CD46: variants seen among roughly 807,000 people sequenced by gnomAD.
CD46 encodes membrane cofactor protein.
A neutral mutation model predicts 53.3 loss-of-function variants in CD46; 30 were observed. The observed-to-expected ratio is 0.56, with a 90% CI of 0.42 to 0.76. The LOEUF (loss-of-function observed/expected upper bound fraction) is 0.76, where lower values mean the gene tolerates loss of function less well. Among genes scored for constraint, CD46 ranks in the 30% least tolerant of loss-of-function variants. The pLI, the probability that CD46 is intolerant of heterozygous loss-of-function variation, is 0.00. For missense variants in CD46, 409 were observed against 463.0 expected, an observed-to-expected ratio of 0.88 and a Z score of 1.07; for synonymous variants, 142 against 152.0, an observed-to-expected ratio of 0.93 and a Z score of 0.48.
intron 11 of CD46, among the ~76,000 whole-genome samples, chr1:207,789,243 A>G (rs1427041500): frequency 6.6e-6 from 1 of 152,174 alleles, no homozygotes; most frequent in Non-Finnish European, 1.5e-5. Context: ...TAATTTATAT[A>G]TTTATTACCT....
At position 207,761,450 on chromosome 1, in the gene CD46, G is replaced by T. The variant is rs1656203803; in HGVS notation, c.673+4G>T. ...CGTGCTGCTCCAGAGTGTAAAGGTA[G>T]TGTTTCAATTTATTTCCTTCTTCAT... On this transcript the variant is annotated splice_donor_region_variant and intron_variant, in intron 5 of 12. Transcript: ENST00000367042. 6.2e-7 allele frequency: 1 copy of T among 1,609,868 alleles called. No homozygotes were observed. The highest frequency in any genetic ancestry group is 1.1e-5 in the South Asian group (1 of 91,002).
chr1:207,771,526 T>G (rs1338443345), intron 8 of CD46, among the ~76,000 whole-genome samples: 1 of 152,190 alleles, frequency 6.6e-6, no homozygotes, highest in Admixed American at 6.5e-5. Flanking sequence ...TTTTATGGTG[T>G]TAGGTCTTAC....
intron 7 of CD46, 143 bp from the exon 8 acceptor site, chr1:207,770,178 A>G: frequency 1.5e-6 from 1 of 684,614 alleles, no homozygotes; most frequent in South Asian, 1.7e-5. Context: ...TATGTAGGTT[A>G]AATTCTAAGA....
At chr1:207,753,886 G>A (rs41316817) in intron 1 of CD46, among the ~76,000 whole-genome samples, 2 of 152,034 alleles carry the variant, frequency 1.3e-5, no homozygotes, top group South Asian at 2.1e-4. Context: ...TTCATTCAAC[G>A]AATATGGGTC....
Position 207,759,679 on chromosome 1 carries a change from A to C in CD46, c.430A>C (p.Lys144Gln), listed in dbSNP as rs1455226323. ...TGAAGAAATTCTATATTGTGAACTT[A>C]AAGGATCAGTAGCAATTTGGAGCGG... ...IGEEILYCELKGSVAIWSGKP... is the reference protein window; with the variant it reads ...IGEEILYCELQGSVAIWSGKP... Residue 144 changes from lysine to glutamine, a missense_variant, in exon 4 of 13, where the codon AAA becomes CAA. Lys to Gln is a moderately conservative substitution (Grantham distance 53, BLOSUM62 1). Coordinates refer to ENST00000367042, the MANE Select transcript of CD46 (RefSeq NM_172351.3). 1.9e-6 allele frequency: 3 copies of C among 1,605,612 alleles called. No homozygotes were observed. The highest frequency in any genetic ancestry group is 1.7e-5 in the Admixed American group (1 of 59,950).
chr1:207,752,169 C>G lies in CD46; in HGVS notation c.-44C>G, dbSNP rs774207160. The G allele has an allele frequency of 6.3e-7, 1 of 1,585,258 alleles. No homozygotes were observed. ...TCCCTGCTCGGCTGGCTCTCGGTTTCTCTGCTTTCCTCCGGAGAAATAACA... is the reference window on the plus strand; with the variant it reads ...TCCCTGCTCGGCTGGCTCTCGGTTTGTCTGCTTTCCTCCGGAGAAATAACA... On this transcript the variant is annotated 5_prime_UTR_variant, in exon 1 of 13. Coordinates refer to ENST00000367042, the MANE Select transcript of CD46 (RefSeq NM_172351.3). This position sits in a 1 kb window ranked among gnomAD's most constrained non-coding sequence, Gnocchi z 4.1.
intron 8 of CD46, among the ~76,000 whole-genome samples, chr1:207,781,487 T>G (rs1658730919): frequency 6.6e-6 from 1 of 152,194 alleles, no homozygotes; most frequent in Admixed American, 6.6e-5. Context: ...TAGAGTCACA[T>G]CCAATAAATC....
chr1:207,758,294 A>G (rs1446663434), intron 3 of CD46, among the ~76,000 whole-genome samples: 3 of 152,224 alleles, frequency 2.0e-5, no homozygotes, highest in Non-Finnish European at 4.4e-5. Context: ...ATTTATAAAG[A>G]AAAGAAATGT....
At chr1:207,779,806 A>G (rs1028960166) in intron 8 of CD46, among the ~76,000 whole-genome samples, 7 of 151,462 alleles carry the variant, frequency 4.6e-5, no homozygotes, top group South Asian at 2.1e-4. Flanking sequence ...CTTCTCCCCA[A>G]CTGATTTGAA....
At chr1:207,773,267 C>T (rs915746879) in intron 8 of CD46, among the ~76,000 whole-genome samples, 3 of 152,036 alleles carry the variant, frequency 2.0e-5, no homozygotes, top group African/African-American at 2.4e-5. Flanking sequence ...TTTTTTATTG[C>T]GTCTATTTGA....
intron 8 of CD46, among the ~76,000 whole-genome samples, chr1:207,782,507 G>A (rs752341103): frequency 6.6e-6 from 1 of 151,990 alleles, no homozygotes; most frequent in Non-Finnish European, 1.5e-5. Flanking sequence ...CCTGATCTTA[G>A]GGAAAAAGCC....
chr1:207,787,066 T>G (rs564378393), intron 11 of CD46, among the ~76,000 whole-genome samples: 53 of 152,312 alleles, frequency 3.5e-4, no homozygotes, highest in Admixed American at 5.9e-4. Context: ...TAATGGTTTT[T>G]CTGTTGTTGT....
At chr1:207,764,201 C>T (rs1253826936) in intron 5 of CD46, among the ~76,000 whole-genome samples, 2 of 152,174 alleles carry the variant, frequency 1.3e-5, no homozygotes, top group Non-Finnish European at 2.9e-5. Flanking sequence ...CTGCTCTGGG[C>T]ACGGACTGAG....
At chr1:207,777,458 A>G (rs1412391665) in intron 8 of CD46, among the ~76,000 whole-genome samples, 1 of 152,030 alleles carries the variant, frequency 6.6e-6, no homozygotes, top group Non-Finnish European at 1.5e-5. Context: ...AGTACCCAAT[A>G]GTTACCTTTT....
Position 207,752,171 on chromosome 1 carries a change from C to A in CD46, c.-42C>A. On this transcript the variant is annotated 5_prime_UTR_variant, in exon 1 of 13. In the 5' UTR this introduces an upstream ATG that the reference lacks. Transcript: ENST00000367042. This position sits in a 1 kb window ranked among gnomAD's most constrained non-coding sequence, Gnocchi z 4.1. ...CCTGCTCGGCTGGCTCTCGGTTTCT[C>A]TGCTTTCCTCCGGAGAAATAACAGC... The A allele has an allele frequency of 1.3e-6, 2 of 1,590,616 alleles. No homozygotes were observed. The highest frequency in any genetic ancestry group is 1.7e-5 in the Admixed American group (1 of 60,012).
At chr1:207,760,014 G>A (rs1041481918) in intron 4 of CD46, 2 of 280,328 alleles carry the variant, frequency 7.1e-6, no homozygotes, top group African/African-American at 2.3e-5. Flanking sequence ...TCCAGTAGCT[G>A]GGGCTTCAGG....
Position 207,752,093 on chromosome 1 carries a change from G to A in CD46, c.-120G>A. The A allele has an allele frequency of 1.0e-6, 1 of 982,216 alleles. No individual in the cohort carries two copies. Among genetic ancestry groups the A allele is most frequent in the Non-Finnish European group, 1.6e-6 (1 of 616,818 alleles). The allele number at this position is 982,216 out of a possible 1,614,324, so 60.8% of individuals were successfully genotyped here. On this transcript the variant is annotated 5_prime_UTR_variant, in exon 1 of 13. It removes an upstream start codon present in the reference 5' UTR. Transcript: ENST00000367042. This position sits in a 1 kb window ranked among gnomAD's most constrained non-coding sequence, Gnocchi z 4.1. ...GCCCACCTGTCCTGCAGCACTGGAT[G>A]CTTTGTGAGTTGGGGATTGTTGCGT...
chr1:207,764,978 G>C (rs1423102144), intron 5 of CD46, among the ~76,000 whole-genome samples: 1 of 152,050 alleles, frequency 6.6e-6, no homozygotes, highest in Non-Finnish European at 1.5e-5. Context: ...ACGAAAACCA[G>C]AAAACAAAAA....
In CD46 at chr1:207,752,833, G is replaced by C. The variant is rs1412025193; in HGVS notation, c.97+524G>C. The stretch of plus-strand genomic sequence containing the variant: ...GCGAGCAGGGGCCTGGCCAGGTGTT[G>C]CTGGGAGCGTGCTGTGCGTAAGTGG... On this transcript the variant is annotated intron_variant, in intron 1 of 12. Transcript: ENST00000367042. This position sits in a 1 kb window ranked among gnomAD's most constrained non-coding sequence, Gnocchi z 4.1. 6.6e-6 allele frequency among the ~76,000 whole-genome samples: 1 copy of C among 152,190 alleles called. No individual in the cohort carries two copies. The highest frequency in any genetic ancestry group is 1.5e-5 in the Non-Finnish European group (1 of 68,034).
Sources: allele counts gnomAD v4.1 joint callset (sites outside exome capture counted in the v4.1 genomes callset), GRCh38; gene constraint gnomAD v4.1.1; non-coding constraint Gnocchi (gnomAD v3.1); transcripts MANE v1.5; gene names NCBI Gene and HGNC (gene_info 2026-07-23, HGNC 2026-07-21).